The following SORCS3 variants were observed in gnomAD, a reference collection of about 807,000 sequenced individuals.
SORCS3 encodes the protein VPS10 domain-containing receptor SorCS3.
SORCS3 carries 57 observed loss-of-function variants against 146.3 expected under a neutral mutation model. The observed-to-expected ratio is 0.39, with a 90% CI of 0.31 to 0.49. The LOEUF is 0.49. SORCS3 is among the 20% of genes least tolerant of loss of function. The pLI is 0.92. For synonymous variants in SORCS3, 653 were observed against 618.5 expected, an observed-to-expected ratio of 1.06 and a Z score of -0.83; for missense variants, 1,341 against 1,575.5, an observed-to-expected ratio of 0.85 and a Z score of 2.52.
intron 4 of SORCS3, among the ~76,000 whole-genome samples, chr10:105,025,416 G>A (rs1238274787): frequency 2.0e-5 from 3 of 152,098 alleles, no homozygotes; most frequent in Admixed American, 2.0e-4. Context: ...GCCTGTTTAG[G>A]TTTCTCATAA....
In SORCS3 at chr10:104,641,548, C is replaced by G. The variant is rs930090317; in HGVS notation, c.221C>G (p.Ser74Trp). The change falls in exon 1 of 27, where the codon TCG becomes TGG. Residue 74 changes from serine to tryptophan, a missense_variant. Coordinates refer to ENST00000369701, the MANE Select transcript of SORCS3 (RefSeq NM_014978.3). The surrounding 1 kb of genome is among the most constrained non-coding windows in gnomAD (Gnocchi z 6.4). ...AGCCAGTGGCCGGAGGAGCTGGCGTCGGCGCGGAGAGCCGCCGTGCTGGGG... is the reference window on the plus strand; with the variant it reads ...AGCCAGTGGCCGGAGGAGCTGGCGTGGGCGCGGAGAGCCGCCGTGCTGGGG... ...VASQWPEELA[S>W]ARRAAVLGRR... 6.8e-6 allele frequency: 10 copies of G among 1,472,060 alleles called. No individual in the cohort carries two copies. Among genetic ancestry groups the G allele is most frequent in the Admixed American group, 2.5e-5 (1 of 40,798 alleles). The allele number at this position is 1,472,060 out of a possible 1,614,324, so 91.2% of individuals were successfully genotyped here. A position where few individuals can be genotyped will look rare whatever the true frequency, so the allele number is the denominator to read the frequency against.
chr10:104,700,132 C>T (rs1018621282), intron 1 of SORCS3, among the ~76,000 whole-genome samples: 2 of 152,182 alleles, frequency 1.3e-5, no homozygotes, highest in Admixed American at 6.5e-5. Context: ...CCTGAGCCAT[C>T]GGCATTCTGC....
chr10:105,258,254 A>G (rs1374473753), intron 25 of SORCS3, among the ~76,000 whole-genome samples: 10 of 152,226 alleles, frequency 6.6e-5, no homozygotes, highest in Non-Finnish European at 1.0e-4. Context: ...GTCCTCTTGG[A>G]TCAAGATGTG....
At chr10:105,028,529 C>A (rs571677363) in intron 4 of SORCS3, among the ~76,000 whole-genome samples, 1 of 152,284 alleles carries the variant, frequency 6.6e-6, no homozygotes, top group South Asian at 2.1e-4. Context: ...ATATATCCAC[C>A]TTGTGAATCT....
chr10:105,193,718 C>T (rs552253560), intron 14 of SORCS3, among the ~76,000 whole-genome samples: 1 of 152,290 alleles, frequency 6.6e-6, no homozygotes, highest in Non-Finnish European at 1.5e-5. Context: ...AGGTCACCTA[C>T]TTAATTTTAT....
chr10:104,984,771 A>C (rs555197844), intron 4 of SORCS3, among the ~76,000 whole-genome samples: 1 of 152,286 alleles, frequency 6.6e-6, no homozygotes, highest in Non-Finnish European at 1.5e-5. Context: ...CAATATAGCA[A>C]GTCATGTGAA....
chr10:104,705,400 T>G (rs2016325413), intron 1 of SORCS3, among the ~76,000 whole-genome samples: 1 of 152,114 alleles, frequency 6.6e-6, no homozygotes, highest in South Asian at 2.1e-4. Flanking sequence ...CTACTCCCAG[T>G]ATTTTATACT....
chr10:104,987,655 C>T (rs2054970047), intron 4 of SORCS3, among the ~76,000 whole-genome samples: 1 of 151,794 alleles, frequency 6.6e-6, no homozygotes, highest in Admixed American at 6.6e-5. Context: ...TTTCTCCTAA[C>T]AAAAAGTGTA....
intron 5 of SORCS3, among the ~76,000 whole-genome samples, chr10:105,086,898 G>A (rs2055664714): frequency 6.6e-6 from 1 of 152,218 alleles, no homozygotes; most frequent in Non-Finnish European, 1.5e-5. Flanking sequence ...TTGCTGCGTA[G>A]AAGCTCTTTA....
rs574507116 is a variant in SORCS3, at chr10:105,097,879, C to A, written c.1094-7518C>A. Among the ~76,000 whole-genome samples, 4 of 152,228 alleles carry A rather than the reference C, an allele frequency of 2.6e-5. No individual in the cohort carries two copies. In the East Asian group the frequency reaches 7.7e-4, roughly 29 times the overall value. On this transcript the variant is annotated intron_variant, in intron 6 of 26. Transcript: ENST00000369701. The stretch of plus-strand genomic sequence containing the variant: ...TGAACCTGAACATGGGCAAAACATT[C>A]GAAGCATCTAGACATTCTAGAAATG...
At chr10:104,949,952 T>A (rs1188262199) in intron 3 of SORCS3, among the ~76,000 whole-genome samples, 1 of 152,228 alleles carries the variant, frequency 6.6e-6, no homozygotes, top group Admixed American at 6.5e-5. Context: ...AAGATTTGAT[T>A]TACAATAAGT....
chr10:104,688,585 G>A (rs1285259204), intron 1 of SORCS3, among the ~76,000 whole-genome samples: 1 of 152,210 alleles, frequency 6.6e-6, no homozygotes, highest in African/African-American at 2.4e-5. Context: ...CCCCTAATGG[G>A]TGGATTGTTC....
intron 5 of SORCS3, among the ~76,000 whole-genome samples, chr10:105,045,864 A>G (rs2055368548): frequency 6.6e-6 from 1 of 152,132 alleles, no homozygotes; most frequent in African/African-American, 2.4e-5. Context: ...AGAACATGTC[A>G]CATAAGTGAA....
chr10:104,696,182 CAT>C (rs901641060), intron 1 of SORCS3, among the ~76,000 whole-genome samples: 1 of 119,602 alleles, frequency 8.4e-6, no homozygotes, highest in South Asian at 2.4e-4. Flanking sequence ...TAATATATAT[CAT>C]ATACACATAT....
At chr10:104,947,627 G>A (rs1021661165) in intron 3 of SORCS3, among the ~76,000 whole-genome samples, 3 of 152,032 alleles carry the variant, frequency 2.0e-5, no homozygotes, top group African/African-American at 7.2e-5. Flanking sequence ...TGTTTGTTTT[G>A]TTGTTGTTGT....
Position 105,019,125 on chromosome 10 carries a change from G to C in SORCS3, c.955-23930G>C, listed in dbSNP as rs574526017. Among the ~76,000 whole-genome samples the C allele has an allele frequency of 7.2e-5, 11 of 151,986 alleles. No homozygotes were observed. The East Asian group carries it at 2.1e-3, about 29-fold the overall frequency. On this transcript the variant is annotated intron_variant, in intron 4 of 26. Coordinates refer to ENST00000369701, the MANE Select transcript of SORCS3 (RefSeq NM_014978.3). ...GCTAATTCTTCAGATGTCCCTCTTT[G>C]CCTCTTCCATTTAAGCTTCTTTATG...
chr10:105,192,247 C>T (rs1481143809), intron 14 of SORCS3, among the ~76,000 whole-genome samples: 1 of 152,032 alleles, frequency 6.6e-6, no homozygotes, highest in East Asian at 1.9e-4. Flanking sequence ...AAGCTTTTCT[C>T]CTGCCCCTTT....
chr10:105,160,532 C>G (rs2056253376), intron 11 of SORCS3, among the ~76,000 whole-genome samples: 1 of 152,072 alleles, frequency 6.6e-6, no homozygotes, highest in African/African-American at 2.4e-5. Flanking sequence ...GAGGCTGAGG[C>G]AGTAGTATTG....
intron 1 of SORCS3, among the ~76,000 whole-genome samples, chr10:104,681,878 C>T (rs887758035): frequency 6.6e-6 from 1 of 152,212 alleles, no homozygotes; most frequent in East Asian, 1.9e-4. Flanking sequence ...CTGTCCTGGC[C>T]ACCCAGTCTA....
Sources: gnomAD v4.1 joint callset for allele counts (sites outside exome capture counted in the v4.1 genomes callset) on GRCh38, gnomAD v4.1.1 for gene constraint, Gnocchi (gnomAD v3.1) non-coding constraint, MANE v1.5 for transcripts, NCBI Gene and HGNC (gene_info 2026-07-23, HGNC 2026-07-21) for gene names.